Variants in PHLDB1 observed in about 807,000 individuals in gnomAD.
PHLDB1 encodes pleckstrin homology-like domain family B member 1.
A neutral mutation model predicts 139.3 loss-of-function variants in PHLDB1; 65 were observed. The observed-to-expected ratio is 0.47, with a 90% CI of 0.38 to 0.57. PHLDB1 has a LOEUF of 0.57. Ranked by LOEUF, PHLDB1 falls within the 20% of genes least tolerant of loss-of-function variation. The probability of loss-of-function intolerance (pLI) is 0.00; values close to 1 mark genes in which losing one functional copy is unlikely to be tolerated. For synonymous variants in PHLDB1, 679 were observed against 734.5 expected, an observed-to-expected ratio of 0.92 and a Z score of 1.22; for missense variants, 1,624 against 1,839.7, an observed-to-expected ratio of 0.88 and a Z score of 2.14.
chr11:118,629,136 G>A (rs1178196212), intron 6 of PHLDB1, among the ~76,000 whole-genome samples: 1 of 152,220 alleles, frequency 6.6e-6, no homozygotes, highest in Non-Finnish European at 1.5e-5. Context: ...TTGTTCTTTA[G>A]AAAAGTACCT....
Position 118,632,134 on chromosome 11 carries a change from T to C in PHLDB1, c.2242-25T>C, listed in dbSNP as rs781961676. Reference sequence around the variant, plus strand: ...GAGGGGCCACAGTCAGCTGCTTTGATGGGGACCCTGGTGTCTGCCCCCAGG... The same window carrying C: ...GAGGGGCCACAGTCAGCTGCTTTGACGGGGACCCTGGTGTCTGCCCCCAGG... On this transcript the variant is annotated intron_variant, in intron 8 of 22. Coordinates refer to ENST00000600882, the MANE Select transcript of PHLDB1 (RefSeq NM_001144758.3). The surrounding 1 kb of genome is among the most constrained non-coding windows in gnomAD (Gnocchi z 5.9). The C allele has an allele frequency of 6.2e-7, 1 of 1,613,894 alleles. No homozygotes were observed. Among genetic ancestry groups the C allele is most frequent in the Non-Finnish European group, 8.5e-7 (1 of 1,179,878 alleles).
intron 4 of PHLDB1, chr11:118,624,647 G>T (rs1291222848): frequency 5.9e-5 from 12 of 203,116 alleles, no homozygotes; most frequent in Non-Finnish European, 1.0e-4. Flanking sequence ...TGTCATGTAG[G>T]CTGGAGTGCA....
chr11:118,627,457 G>T lies in PHLDB1; in HGVS notation c.634G>T (p.Ala212Ser), dbSNP rs375169498. 6.2e-7 allele frequency: 1 copy of T among 1,614,194 alleles called. No homozygotes were observed. Among genetic ancestry groups the T allele is most frequent in the Non-Finnish European group, 8.5e-7 (1 of 1,180,026 alleles). The change falls in exon 6 of 23, where the codon GCT (alanine) becomes TCT (serine). Residue 212 changes from alanine to serine, a missense_variant. Coordinates refer to ENST00000600882, the MANE Select transcript of PHLDB1 (RefSeq NM_001144758.3). ...DSLVLEEPGAAGKKPAATSPL... is the reference protein window; with the variant it reads ...DSLVLEEPGASGKKPAATSPL... ...ACTGGTGCTAGAGGAGCCTGGAGCT[G>T]CTGGCAAGAAGCCTGCCGCAACCTC...
At position 118,611,506 on chromosome 11, in the gene PHLDB1, T is replaced by C. The variant is rs1940303440; in HGVS notation, c.-21-2310T>C. On this transcript the variant is annotated intron_variant, in intron 1 of 22. Transcript: ENST00000600882. This position sits in a 1 kb window ranked among gnomAD's most constrained non-coding sequence, Gnocchi z 4.7. ...GTGACCAATACTCCAATATGACAGA[T>C]AAATAAACTAACGCCCAGACAGGTG... 6.6e-6 allele frequency among the ~76,000 whole-genome samples: 1 copy of C among 152,136 alleles called. No individual in the cohort carries two copies. The highest frequency in any genetic ancestry group is 6.5e-5 in the Admixed American group (1 of 15,280).
At chr11:118,613,983 T>G (rs994565534) in intron 2 of PHLDB1, 87 bp downstream of exon 2, 1 of 830,880 alleles carries the variant, frequency 1.2e-6, no homozygotes, top group Non-Finnish European at 2.0e-6. Flanking sequence ...AGCCCAAGGA[T>G]GAAAGGAGCA....
intron 10 of PHLDB1, chr11:118,636,884 G>C (rs1296861267): frequency 6.6e-6 from 1 of 152,128 alleles, no homozygotes; most frequent in African/African-American, 2.4e-5. Context: ...GGGAGGGCTT[G>C]GCAGTAGTGG....
chr11:118,635,859 G>C (rs547359835), intron 10 of PHLDB1, among the ~76,000 whole-genome samples: 1 of 152,330 alleles, frequency 6.6e-6, no homozygotes, highest in African/African-American at 2.4e-5. Context: ...GATGGAGGAG[G>C]AGGAGGCTTG....
At chr11:118,624,881 A>G in intron 4 of PHLDB1, 53 bp from the exon 5 acceptor site, 1 of 1,600,926 alleles carries the variant, frequency 6.2e-7, no homozygotes, top group Non-Finnish European at 8.6e-7. Context: ...AAGTGTTGGG[A>G]TTACAGGTGT....
In PHLDB1 at chr11:118,608,655, C is replaced by G. The variant is rs371762123; in HGVS notation, c.-22+956C>G. Among the ~76,000 whole-genome samples the G allele has an allele frequency of 1.1e-4, 17 of 152,156 alleles. 1 individual carries two copies. Among genetic ancestry groups the G allele is most frequent in the Admixed American group, 3.3e-4 (5 of 15,288 alleles). ...GCGGGCTCACCCCCCAGCCGTCAAACGCAAACGCAGGCGCCCCACCACGCC... is the reference window on the plus strand; with the variant it reads ...GCGGGCTCACCCCCCAGCCGTCAAAGGCAAACGCAGGCGCCCCACCACGCC... On this transcript the variant is annotated intron_variant, in intron 1 of 22. Coordinates refer to ENST00000600882, the MANE Select transcript of PHLDB1 (RefSeq NM_001144758.3). The surrounding 1 kb of genome is among the most constrained non-coding windows in gnomAD (Gnocchi z 6.7).
chr11:118,621,450 G>A (rs2135958360), intron 4 of PHLDB1: 1 of 152,280 alleles, frequency 6.6e-6, no homozygotes, highest in East Asian at 1.9e-4. Flanking sequence ...TCGGGAGGTC[G>A]GCCCGCCCCC....
chr11:118,634,940 C>G, intron 9 of PHLDB1: 1 of 455,264 alleles, frequency 2.2e-6, no homozygotes, highest in Non-Finnish European at 4.4e-6. Flanking sequence ...CGGAGCTGGC[C>G]GCGGGACGGA....
intron 4 of PHLDB1, among the ~76,000 whole-genome samples, chr11:118,622,361 G>T (rs1249897945): frequency 6.6e-6 from 1 of 152,228 alleles, no homozygotes; most frequent in Non-Finnish European, 1.5e-5. Context: ...CATGCAAATA[G>T]AAAGTTAATT....
intron 13 of PHLDB1, 74 bp from the exon 14 acceptor site, chr11:118,643,726 A>G (rs1946973284): frequency 4.3e-6 from 7 of 1,611,716 alleles, no homozygotes; most frequent in Non-Finnish European, 5.9e-6. Context: ...GTCAGATCAC[A>G]GCAGACTAGG....
At position 118,645,536 on chromosome 11, in the gene PHLDB1, G is replaced by C; in HGVS notation, c.3302G>C (p.Arg1101Pro). ...CACCACCTGCCTGCGGGGCGGGAGC[G>C]TGGGGAGGAGGGTGAGCACGCCTAT... Reference protein sequence around the residue: ...ILHHLPAGRERGEEGEHAYDT... With the variant: ...ILHHLPAGREPGEEGEHAYDT... Residue 1101 changes from arginine (R) to proline (P), a missense_variant, in exon 16 of 23, where the codon CGT becomes CCT. Coordinates refer to ENST00000600882, the MANE Select transcript of PHLDB1 (RefSeq NM_001144758.3). This position sits in a 1 kb window ranked among gnomAD's most constrained non-coding sequence, Gnocchi z 5.1. 1 of 1,613,294 alleles carries C rather than the reference G, an allele frequency of 6.2e-7. No homozygotes were observed. The highest frequency in any genetic ancestry group is 8.5e-7 in the Non-Finnish European group (1 of 1,179,634).
Position 118,614,609 on chromosome 11 carries a change from G to A in PHLDB1, c.111G>A (p.Thr37=), listed in dbSNP as rs201190754. The A allele has an allele frequency of 1.4e-5, 23 of 1,613,964 alleles. 1 individual carries two copies. Among genetic ancestry groups the A allele is most frequent in the East Asian group, 6.7e-5 (3 of 44,866 alleles). ...IETGKGLKVQ[T]DKPHLVSLGS... is the part of the protein sequence containing the mutation. ...CAGGCAAAGGGCTGAAAGTGCAAAC[G>A]GACAAACCCCACCTGGTGAGCCTGG... The change falls in exon 3 of 23, where the codon ACG becomes ACA. Residue 37 remains threonine (T), a synonymous_variant. Coordinates refer to ENST00000600882, the MANE Select transcript of PHLDB1 (RefSeq NM_001144758.3).
chr11:118,642,294 G>T lies in PHLDB1; in HGVS notation c.2777G>T (p.Trp926Leu). The T allele has an allele frequency of 6.2e-7, 1 of 1,613,156 alleles. No homozygotes were observed. ...CTCCCTGCTGTAGACTTAGAGCAGT[G>T]GTACCAGGAGCTGATGGCCGGGCTG... ...LLLPAVDLEQ[W>L]YQELMAGLGT... is the part of the protein sequence containing the mutation. Residue 926 changes from tryptophan to leucine, a missense_variant, in exon 13 of 23, where the codon TGG becomes TTG. Physicochemically the swap from Trp to Leu is moderately conservative, Grantham distance 61. Transcript: ENST00000600882.
rs782600131 is a variant in PHLDB1, at chr11:118,648,059, G to T, written c.3637G>T (p.Glu1213Ter). Residue 1213 changes from glutamate (E) to a stop codon, truncating the protein, a stop_gained, in exon 18 of 23, where the codon GAG (glutamate) becomes TAG (stop). Coordinates refer to ENST00000600882, the MANE Select transcript of PHLDB1 (RefSeq NM_001144758.3). LOFTEE classifies it high-confidence loss of function. The stretch of plus-strand genomic sequence containing the variant: ...GGTCGAGAAGGAGGTCAAGATGCGG[G>T]AGAAACAATTTTCCCAGGTGAATGG... The part of the protein sequence containing the change: ...QLVEKEVKMR[E>*]KQFSQARPLT... 3 of 1,613,650 alleles carry T rather than the reference G, an allele frequency of 1.9e-6. No homozygotes were observed. The highest frequency in any genetic ancestry group is 2.5e-6 in the Non-Finnish European group (3 of 1,179,744).
rs967357906 is a variant in PHLDB1, at chr11:118,627,795, C to G, written c.972C>G (p.Ser324Arg). 1.9e-6 allele frequency: 3 copies of G among 1,604,980 alleles called. No homozygotes were observed. The highest frequency in any genetic ancestry group is 2.5e-6 in the Non-Finnish European group (3 of 1,179,582). Residue 324 changes from serine to arginine, a missense_variant, in exon 6 of 23, where the codon AGC (serine) becomes AGG (arginine). Ser to Arg is a moderately radical substitution (Grantham distance 110). Coordinates refer to ENST00000600882, the MANE Select transcript of PHLDB1 (RefSeq NM_001144758.3). ...AAGGGGGCCATGAGAGGCCTCCCAGCCCTGGCCTCCGGGGTCTGCTGACAG... is the reference window on the plus strand; with the variant it reads ...AAGGGGGCCATGAGAGGCCTCCCAGGCCTGGCCTCCGGGGTCTGCTGACAG... ...SRKGGHERPPSPGLRGLLTDS... is the reference protein window; with the variant it reads ...SRKGGHERPPRPGLRGLLTDS...
At chr11:118,613,254 A>G (rs754045475) in intron 1 of PHLDB1, 32 of 977,480 alleles carry the variant, frequency 3.3e-5, no homozygotes, top group Non-Finnish European at 3.8e-5. Flanking sequence ...ATCTGGAGAT[A>G]GCAGGAATGG....
Sources: gnomAD v4.1 joint callset for allele counts (sites outside exome capture counted in the v4.1 genomes callset) on GRCh38, gnomAD v4.1.1 for gene constraint, Gnocchi (gnomAD v3.1) non-coding constraint, MANE v1.5 for transcripts, NCBI Gene and HGNC (gene_info 2026-07-23, HGNC 2026-07-21) for gene names.